COL4A2: variants seen among roughly 807,000 people sequenced by gnomAD.
COL4A2 encodes collagen alpha-2(IV) chain.
A neutral mutation model predicts 200.2 loss-of-function variants in COL4A2; 99 were observed. The ratio of observed to expected loss-of-function variants is 0.49; its 90% confidence interval spans 0.42 to 0.58. The LOEUF is 0.58. Ranked by LOEUF, COL4A2 falls within the 20% of genes least tolerant of loss-of-function variation. The pLI, the probability that COL4A2 is intolerant of heterozygous loss-of-function variation, is 0.00. For synonymous variants in COL4A2, 897 were observed against 900.6 expected, an observed-to-expected ratio of 1.00 and a Z score of 0.07; for missense variants, 1,950 against 2,314.1, an observed-to-expected ratio of 0.84 and a Z score of 3.23.
chr13:110,490,460 A>G (rs748731610), intron 36 of COL4A2, among the ~76,000 whole-genome samples: 31 of 152,316 alleles, frequency 2.0e-4, no homozygotes, highest in Non-Finnish European at 3.1e-4. Flanking sequence ...AGGGTTGGCC[A>G]GTGGGGAGAC....
chr13:110,382,751 A>C (rs536155543), intron 4 of COL4A2, among the ~76,000 whole-genome samples: 1 of 152,246 alleles, frequency 6.6e-6, no homozygotes, highest in Admixed American at 6.5e-5. Flanking sequence ...CTAGCTATCT[A>C]TTTTAATGAG....
chr13:110,347,757 A>G (rs372095689), intron 3 of COL4A2, among the ~76,000 whole-genome samples: 4 of 152,384 alleles, frequency 2.6e-5, no homozygotes, highest in African/African-American at 2.4e-5. Context: ...GGCCCTGCCA[A>G]TAGCACACTG....
chr13:110,400,221 A>T (rs1879323402), intron 4 of COL4A2, among the ~76,000 whole-genome samples: 1 of 152,252 alleles, frequency 6.6e-6, no homozygotes, highest in South Asian at 2.1e-4. Context: ...ATATGTGATA[A>T]AAGTGAAAAA....
At chr13:110,465,258 A>G (rs1340310355) in intron 24 of COL4A2, 147 bp from the exon 25 acceptor site, 5 of 1,064,768 alleles carry the variant, frequency 4.7e-6, no homozygotes, top group East Asian at 2.6e-5. Context: ...CTGGCTGACC[A>G]TGGCACTAGG....
At chr13:110,422,248 A>G (rs979748704) in intron 4 of COL4A2, among the ~76,000 whole-genome samples, 1 of 152,234 alleles carries the variant, frequency 6.6e-6, no homozygotes, top group Non-Finnish European at 1.5e-5. Context: ...CAAACTAAAC[A>G]AAATTGAGCA....
intron 27 of COL4A2, chr13:110,468,278 A>C (rs1277283528): frequency 2.1e-6 from 1 of 471,714 alleles, no homozygotes; most frequent in South Asian, 1.5e-5. Context: ...TCTTCTGAGA[A>C]CTGAGCTTGT....
At chr13:110,483,703 T>C (rs1883014022) in intron 32 of COL4A2, among the ~76,000 whole-genome samples, 1 of 132,036 alleles carries the variant, frequency 7.6e-6, no homozygotes, top group South Asian at 2.2e-4. Flanking sequence ...TTCCTACACT[T>C]GATCTTAGCC....
In COL4A2 at chr13:110,511,886, C is replaced by T. The variant is rs777284957; in HGVS notation, c.4882-48C>T. 4.3e-6 allele frequency: 7 copies of T among 1,611,892 alleles called. No homozygotes were observed. In the East Asian group the frequency reaches 1.6e-4, roughly 36 times the overall value. On this transcript the variant is annotated intron_variant, in intron 47 of 47. Coordinates refer to ENST00000360467, the MANE Select transcript of COL4A2 (RefSeq NM_001846.4). ...AGGGCTATGCCCTGACCCCGTGCCA[C>T]CTGCAGGCTGTGATTCCTAACCCTG...
intron 3 of COL4A2, among the ~76,000 whole-genome samples, chr13:110,314,105 G>A (rs1029294753): frequency 1.3e-5 from 2 of 152,254 alleles, no homozygotes; most frequent in African/African-American, 4.8e-5. Context: ...GCAGTTCAAT[G>A]TGATAATGTT....
rs1883652213 is a variant in COL4A2, at chr13:110,501,773, T to G, written c.3866T>G (p.Phe1289Cys). ...GGTGACAAAGGGGCGCCAGGGATAT[T>G]TGGCCTGAAAGGTAAGCAGGACTTA... ...APGDKGAPGI[F>C]GLKGYRGPPG... The change falls in exon 41 of 48, where the codon TTT (phenylalanine) becomes TGT (cysteine). Residue 1289 changes from phenylalanine (F) to cysteine (C), a missense_variant. Phe to Cys is a radical substitution (Grantham distance 205). Coordinates refer to ENST00000360467, the MANE Select transcript of COL4A2 (RefSeq NM_001846.4). The G allele has an allele frequency of 1.2e-6, 2 of 1,613,352 alleles. No individual in the cohort carries two copies. The highest frequency in any genetic ancestry group is 2.7e-5 in the African/African-American group (2 of 74,888).
At chr13:110,457,920 C>T (rs1881839853) in intron 21 of COL4A2, among the ~76,000 whole-genome samples, 1 of 152,092 alleles carries the variant, frequency 6.6e-6, no homozygotes, top group South Asian at 2.1e-4. Context: ...GATGAGGAGG[C>T]GAACTTGGAA....
chr13:110,312,121 G>C (rs1442201202), intron 3 of COL4A2, among the ~76,000 whole-genome samples: 1 of 152,252 alleles, frequency 6.6e-6, no homozygotes, highest in East Asian at 1.9e-4. Flanking sequence ...GGCCCTCTGA[G>C]AAGAAGGGAA....
At chr13:110,310,272 C>A (rs1234205149) in intron 3 of COL4A2, among the ~76,000 whole-genome samples, 1 of 152,206 alleles carries the variant, frequency 6.6e-6, no homozygotes, top group African/African-American at 2.4e-5. Flanking sequence ...CAGACCTAAA[C>A]CCTGAAAGGC....
chr13:110,378,444 C>G (rs555501083), intron 4 of COL4A2, among the ~76,000 whole-genome samples: 1 of 152,176 alleles, frequency 6.6e-6, no homozygotes, highest in Non-Finnish European at 1.5e-5. Context: ...TCCAGAGGTG[C>G]GCCTGCGGCC....
intron 27 of COL4A2, 72 bp from the exon 28 acceptor site, chr13:110,469,145 G>T: frequency 6.6e-7 from 1 of 1,522,128 alleles, no homozygotes; most frequent in Non-Finnish European, 8.9e-7. Flanking sequence ...CATTAAGTCA[G>T]ATGCCAAGCA....
intron 37 of COL4A2, among the ~76,000 whole-genome samples, chr13:110,491,838 C>T (rs1883295497): frequency 6.6e-6 from 1 of 152,224 alleles, no homozygotes. Context: ...ATTAAAACTA[C>T]ACGCTATTTT....
At chr13:110,444,228 G>A (rs1412068497) in intron 16 of COL4A2, among the ~76,000 whole-genome samples, 3 of 152,238 alleles carry the variant, frequency 2.0e-5, no homozygotes, top group Non-Finnish European at 4.4e-5. Flanking sequence ...ATGGCAACAC[G>A]TGGTGTCTGG....
chr13:110,397,088 G>A (rs932029687), intron 4 of COL4A2, among the ~76,000 whole-genome samples: 1 of 152,206 alleles, frequency 6.6e-6, no homozygotes, highest in East Asian at 1.9e-4. Flanking sequence ...GAGCAGGCCT[G>A]CCAAGACCAC....
intron 20 of COL4A2, among the ~76,000 whole-genome samples, chr13:110,454,551 A>G (rs1396166661): frequency 6.6e-6 from 1 of 152,094 alleles, no homozygotes; most frequent in Non-Finnish European, 1.5e-5. Flanking sequence ...TCCACAACTG[A>G]CCGGACACGC....
Sources: allele counts gnomAD v4.1 joint callset (sites outside exome capture counted in the v4.1 genomes callset), GRCh38; gene constraint gnomAD v4.1.1; transcripts MANE v1.5; gene names NCBI Gene and HGNC (gene_info 2026-07-23, HGNC 2026-07-21).